The following HK3 variants were observed in gnomAD, a reference collection of about 807,000 sequenced individuals.
The protein encoded by HK3 is hexokinase-3.
A neutral mutation model predicts 91.0 loss-of-function variants in HK3; 93 were observed. The observed-to-expected ratio is 1.02, with a 90% confidence interval of 0.86 to 1.21. HK3 has a LOEUF of 1.21. Ranked by LOEUF, HK3 falls within the 50% of genes most tolerant of loss-of-function variation. The pLI is 0.00. For synonymous variants in HK3, 519 were observed against 516.9 expected (o/e 1.00, Z -0.06); for missense variants, 1,235 against 1,247.4 (o/e 0.99, Z 0.15).
rs562207646 is a variant in HK3, at chr5:176,895,022, T to C, written c.96+1042A>G. ...TTGATCTCCTGACCTTGTGGTCCGC[T>C]CACCTCGGCCTCCCAAAGTGCTGGG... On this transcript the variant is annotated intron_variant, in intron 2 of 18. Coordinates refer to ENST00000292432, the MANE Select transcript of HK3 (RefSeq NM_002115.3). 4.3e-3 allele frequency among the ~76,000 whole-genome samples: 655 copies of C among 150,888 alleles called. 3 individuals are homozygous for C. The highest frequency in any genetic ancestry group is 0.015 in the African/African-American group (630 of 40,978).
rs767051807 is a variant in HK3, at chr5:176,884,595, G to T, written c.1858-461C>A. Reference sequence around the variant, plus strand: ...AATTCTCAGCTTCAGGGATAGAGCCGTGTCAATGGGCGAGTCACTCATGTG... The same window carrying T: ...AATTCTCAGCTTCAGGGATAGAGCCTTGTCAATGGGCGAGTCACTCATGTG... On this transcript the variant is annotated intron_variant, in intron 13 of 18. Coordinates refer to ENST00000292432, the MANE Select transcript of HK3 (RefSeq NM_002115.3). This position sits in a 1 kb window ranked among gnomAD's most constrained non-coding sequence, Gnocchi z 4.1. Among the ~76,000 whole-genome samples, 2 of 152,212 alleles carry T rather than the reference G, an allele frequency of 1.3e-5. No homozygotes were observed. The highest frequency in any genetic ancestry group is 4.8e-5 in the African/African-American group (2 of 41,448).
intron 15 of HK3, among the ~76,000 whole-genome samples, chr5:176,882,623 C>G (rs1367116826): frequency 1.3e-5 from 2 of 152,208 alleles, no homozygotes; most frequent in Non-Finnish European, 2.9e-5. Flanking sequence ...CTCTGTGCCC[C>G]CGTGGAAGCA....
intron 8 of HK3, 96 bp downstream of exon 8, chr5:176,889,285 G>T: frequency 7.4e-7 from 1 of 1,344,472 alleles, no homozygotes; most frequent in African/African-American, 1.5e-5. Flanking sequence ...GACAGGGAGG[G>T]GCCTAAGGGC....
Position 176,890,679 on chromosome 5 carries a change from G to A in HK3, c.586C>T (p.Gln196Ter). ...KGFRCSGVEG[Q>*]DVVQLLRDAI... is the part of the protein sequence containing the mutation. Reference sequence around the variant, plus strand: ...TCTCTCAGCAGCTGGACCACATCCTGGCCTTCCACACCACTGCACCTAAAA... The same window carrying A: ...TCTCTCAGCAGCTGGACCACATCCTAGCCTTCCACACCACTGCACCTAAAA... The change falls in exon 6 of 19, where the codon CAG (glutamine) becomes TAG (stop). Residue 196 changes from glutamine (Q) to a stop codon, truncating the protein, a stop_gained. Coordinates refer to ENST00000292432, the MANE Select transcript of HK3 (RefSeq NM_002115.3). LOFTEE classifies it high-confidence loss of function. 1 of 1,614,136 alleles carries A rather than the reference G, an allele frequency of 6.2e-7. No homozygotes were observed. Among genetic ancestry groups the A allele is most frequent in the Non-Finnish European group, 8.5e-7 (1 of 1,180,014 alleles).
At chr5:176,883,515 C>T (rs971988313) in intron 15 of HK3, among the ~76,000 whole-genome samples, 1 of 152,158 alleles carries the variant, frequency 6.6e-6, no homozygotes, top group Non-Finnish European at 1.5e-5. Context: ...ATCTGTACAA[C>T]TCCAAAGCTC....
At position 176,887,121 on chromosome 5, in the gene HK3, G is replaced by A. The variant is rs369692731; in HGVS notation, c.1738C>T (p.Leu580Phe). 14 of 1,614,214 alleles carry A rather than the reference G, an allele frequency of 8.7e-6. No individual in the cohort carries two copies. The highest frequency in any genetic ancestry group is 1.3e-5 in the African/African-American group (1 of 75,068). The change falls in exon 13 of 19, where the codon CTC (leucine) becomes TTC (phenylalanine). Residue 580 changes from leucine to phenylalanine, a missense_variant and splice_region_variant. Around this residue, in one of 3 missense-constraint regions of HK3, gnomAD observed 513 missense variants for 477.4 expected, o/e 1.07. Transcript: ENST00000292432. This position sits in a 1 kb window ranked among gnomAD's most constrained non-coding sequence, Gnocchi z 4.9. ...ATGCAGTCCACGATGTGGTCAAAGA[G>A]CTGTGGGGCAGGACAGGTCAGGCGT... ...ETVAQGSGQQ[L>F]FDHIVDCIVD...
At chr5:176,891,301 T>A (rs949400324) in intron 3 of HK3, 87 bp downstream of exon 3, 1 of 1,607,488 alleles carries the variant, frequency 6.2e-7, no homozygotes, top group Admixed American at 1.7e-5. Flanking sequence ...GCCATAGAGA[T>A]GGGGGACAGG....
In HK3 at chr5:176,887,051, G is replaced by A; in HGVS notation, c.1808C>T (p.Pro603Leu). 6.2e-7 allele frequency: 1 copy of A among 1,614,140 alleles called. No homozygotes were observed. Among genetic ancestry groups the A allele is most frequent in the East Asian group, 2.2e-5 (1 of 44,868 alleles). The change falls in exon 13 of 19, where the codon CCA (proline) becomes CTA (leucine). Residue 603 changes from proline (P) to leucine (L), a missense_variant. Around this residue, in one of 3 missense-constraint regions of HK3, gnomAD observed 513 missense variants for 477.4 expected, o/e 1.07. Coordinates refer to ENST00000292432, the MANE Select transcript of HK3 (RefSeq NM_002115.3). This position sits in a 1 kb window ranked among gnomAD's most constrained non-coding sequence, Gnocchi z 4.9. ...QKQGLSGQSL[P>L]LGFTFSFPCR... ...TGGGAAGGAGAAGGTAAAACCCAGT[G>A]GGAGGCTCTGCCCGCTCAGGCCCTG...
In HK3 at chr5:176,886,984, C is replaced by T; in HGVS notation, c.1857+18G>A. On this transcript the variant is annotated intron_variant, in intron 13 of 18. Coordinates refer to ENST00000292432, the MANE Select transcript of HK3 (RefSeq NM_002115.3). Reference sequence around the variant, plus strand: ...GGCAGGAGGCCCTTGGGAATCACTTCTCTTGGCCCTCCCTCACCTGGTCTA... The same window carrying T: ...GGCAGGAGGCCCTTGGGAATCACTTTTCTTGGCCCTCCCTCACCTGGTCTA... The T allele has an allele frequency of 6.2e-7, 1 of 1,613,622 alleles. No homozygotes were observed. Among genetic ancestry groups the T allele is most frequent in the Non-Finnish European group, 8.5e-7 (1 of 1,179,818 alleles).
intron 2 of HK3, among the ~76,000 whole-genome samples, chr5:176,892,978 C>A (rs2149377604): frequency 6.6e-6 from 1 of 152,314 alleles, no homozygotes; most frequent in Admixed American, 6.5e-5. Flanking sequence ...CTCACCCTGA[C>A]CAGGCCTATC....
rs1758603088 is a variant in HK3 at position 176,887,004 on chromosome 5, G to A, written c.1855C>T (p.Gln619Ter). 1 of 1,613,998 alleles carries A rather than the reference G, an allele frequency of 6.2e-7. No individual in the cohort carries two copies. The highest frequency in any genetic ancestry group is 8.5e-7 in the Non-Finnish European group (1 of 1,179,982). Residue 619 changes from glutamine (Q) to a stop codon, truncating the protein, a stop_gained and splice_region_variant, in exon 13 of 19, where the codon CAG becomes TAG. Coordinates refer to ENST00000292432, the MANE Select transcript of HK3 (RefSeq NM_002115.3). LOFTEE classifies it high-confidence loss of function. This position sits in a 1 kb window ranked among gnomAD's most constrained non-coding sequence, Gnocchi z 4.9. Reference sequence around the variant, plus strand: ...CACTTCTCTTGGCCCTCCCTCACCTGGTCTAGGCCAAGCTGCCTACATGGG... The same window carrying A: ...CACTTCTCTTGGCCCTCCCTCACCTAGTCTAGGCCAAGCTGCCTACATGGG... ...SFPCRQLGLD[Q>*]GILLNWTKGF...
intron 2 of HK3, among the ~76,000 whole-genome samples, chr5:176,892,035 A>T (rs1203015939): frequency 6.6e-6 from 1 of 152,174 alleles, no homozygotes; most frequent in African/African-American, 2.4e-5. Context: ...TGGAGACCAC[A>T]CTGCAGAGGA....
chr5:176,888,724 A>T lies in HK3; in HGVS notation c.1055T>A (p.Val352Glu). The T allele has an allele frequency of 6.2e-7, 1 of 1,614,202 alleles. No individual in the cohort carries two copies. Among genetic ancestry groups the T allele is most frequent in the Non-Finnish European group, 8.5e-7 (1 of 1,180,018 alleles). The change falls in exon 9 of 19, where the codon GTG becomes GAG. Residue 352 changes from valine to glutamate, a missense_variant. By Grantham distance (121) the Val-to-Glu change is moderately radical. This residue lies in a region of HK3 where 717 missense variants were observed against 751.6 expected (regional missense o/e 0.95). Transcript: ENST00000292432. ...CCCGACTCACTCCTCCATCTCAGCC[A>T]CGTGTTCCAGGAGGATGCTGCCTTG... Reference protein sequence around the residue: ...LSQGSILLEHVAEMEDPSTGA... With the variant: ...LSQGSILLEHEAEMEDPSTGA...
chr5:176,891,963 GT>G (rs1164291416), intron 2 of HK3, among the ~76,000 whole-genome samples: 4 of 152,212 alleles, frequency 2.6e-5, no homozygotes, highest in Non-Finnish European at 5.9e-5. Flanking sequence ...AACTTCAAGT[GT>G]TTCCCTCTCC....
At chr5:176,882,266 CCTT>C in intron 15 of HK3, 139 bp from the exon 16 acceptor site, 1 of 891,454 alleles carries the variant, frequency 1.1e-6, no homozygotes, top group Non-Finnish European at 1.7e-6. Context: ...TGGTCCTGGT[CCTT>C]CTTCCTTCCC....
At chr5:176,882,761 G>A (rs934881558) in intron 15 of HK3, among the ~76,000 whole-genome samples, 58 of 152,202 alleles carry the variant, frequency 3.8e-4, no homozygotes, top group East Asian at 1.9e-4. Context: ...GGCAGAGGAC[G>A]CACCCTGGAT....
In HK3 at chr5:176,883,777, G is replaced by C. The variant is rs761477115; in HGVS notation, c.2046C>G (p.Leu682=). The change falls in exon 15 of 19, where the codon CTC becomes CTG. Residue 682 remains leucine (L), a synonymous_variant. Transcript: ENST00000292432. ...GYEDPRCEIG[L]IVGTGTNACY... is the part of the protein sequence containing the mutation. ...GGGCAGGGCCCTCCTCACCGACAAT[G>C]AGGCCTATCTCGCAACGGGGGTCCT... is the stretch of plus-strand genomic sequence containing the variant. 4.3e-6 allele frequency: 7 copies of C among 1,613,320 alleles called. No homozygotes were observed. The Middle Eastern group carries it at 4.9e-4, about 114-fold the overall frequency.
chr5:176,893,532 G>A (rs568483433), intron 2 of HK3, among the ~76,000 whole-genome samples: 78 of 152,284 alleles, frequency 5.1e-4, no homozygotes, highest in African/African-American at 7.0e-4. Flanking sequence ...TGAGGGCCAC[G>A]AGGAGCACCA....
At position 176,881,183 on chromosome 5, in the gene HK3, G is replaced by C. The variant is rs1220080989; in HGVS notation, c.2662C>G (p.Leu888Val). 1 of 1,613,118 alleles carries C rather than the reference G, an allele frequency of 6.2e-7. No homozygotes were observed. The highest frequency in any genetic ancestry group is 8.5e-7 in the Non-Finnish European group (1 of 1,179,932). ...SSLVAATVRE[L>V]APRCVVTFLQ... ...AACGTGACCACACAGCGAGGGGCCA[G>C]CTCCCGCACTGTGGCCGCCACCAGG... is the stretch of plus-strand genomic sequence containing the variant. Residue 888 changes from leucine to valine, a missense_variant, in exon 19 of 19, where the codon CTG becomes GTG. Transcript: ENST00000292432.
Sources: allele counts gnomAD v4.1 joint callset (sites outside exome capture counted in the v4.1 genomes callset), GRCh38; gene constraint gnomAD v4.1.1; regional missense constraint gnomAD v4.1.1; non-coding constraint Gnocchi (gnomAD v3.1); transcripts MANE v1.5; gene names NCBI Gene and HGNC (gene_info 2026-07-23, HGNC 2026-07-21).